SRGAP1: variants seen among roughly 807,000 people sequenced by gnomAD.
The protein encoded by SRGAP1 is SLIT-ROBO Rho GTPase-activating protein 1.
SRGAP1 carries 43 observed loss-of-function variants against 121.9 expected under a neutral mutation model. The observed-to-expected ratio is 0.35, with a 90% confidence interval of 0.28 to 0.46. The LOEUF is 0.46. SRGAP1 is among the 20% of genes least tolerant of loss of function. The pLI is 1.00. For missense variants in SRGAP1, 1,102 were observed against 1,350.9 expected, an observed-to-expected ratio of 0.82 and a Z score of 2.89; for synonymous variants, 447 against 485.4, an observed-to-expected ratio of 0.92 and a Z score of 1.04.
chr12:63,891,452 T>G (rs1329669640), intron 1 of SRGAP1, among the ~76,000 whole-genome samples: 2 of 152,222 alleles, frequency 1.3e-5, no homozygotes, highest in Non-Finnish European at 2.9e-5. Flanking sequence ...CACTCTCTCC[T>G]CTGAACCACT....
intron 3 of SRGAP1, among the ~76,000 whole-genome samples, chr12:64,007,685 G>T (rs924822583): frequency 6.6e-6 from 1 of 152,144 alleles, no homozygotes; most frequent in Non-Finnish European, 1.5e-5. Context: ...ACTCTATAAG[G>T]CTACAGGAGT....
intron 1 of SRGAP1, among the ~76,000 whole-genome samples, chr12:63,972,059 G>A (rs534015530): frequency 2.4e-4 from 36 of 152,140 alleles, no homozygotes; most frequent in Non-Finnish European, 4.7e-4. Flanking sequence ...TCCAATCAAA[G>A]TCTCTAATAG....
intron 1 of SRGAP1, among the ~76,000 whole-genome samples, chr12:63,940,827 A>G (rs865780560): frequency 9.2e-5 from 14 of 152,350 alleles, no homozygotes; most frequent in South Asian, 2.1e-4. Context: ...CACCTGCCTC[A>G]GGCAGCATGT....
intron 21 of SRGAP1, among the ~76,000 whole-genome samples, chr12:64,140,655 C>A (rs1416841478): frequency 7.0e-6 from 1 of 143,536 alleles, no homozygotes; most frequent in African/African-American, 2.6e-5. Context: ...GAAATAGGAA[C>A]ACTTTTACAC....
At chr12:63,898,758 C>T (rs1565941685) in intron 1 of SRGAP1, among the ~76,000 whole-genome samples, 1 of 152,120 alleles carries the variant, frequency 6.6e-6, no homozygotes, top group Non-Finnish European at 1.5e-5. Flanking sequence ...TCACATTTCC[C>T]ACTGTTAGAT....
rs2037058716 is a variant in SRGAP1, at chr12:64,146,749, C to T, written c.*4077C>T. 6.6e-6 allele frequency: 1 copy of T among 152,184 alleles called. No individual in the cohort carries two copies. Among genetic ancestry groups the T allele is most frequent in the African/African-American group, 2.4e-5 (1 of 41,496 alleles). 9.4% of individuals were successfully genotyped at this position (152,184 alleles called of 1,614,324 possible). Reference sequence around the variant, plus strand: ...CTCCCTACTCCAGACCACCTGCCACCCACCTCCCAAGTTGAGAACACAAGC... The same window carrying T: ...CTCCCTACTCCAGACCACCTGCCACTCACCTCCCAAGTTGAGAACACAAGC... On this transcript the variant is annotated 3_prime_UTR_variant, in exon 22 of 22. Coordinates refer to ENST00000355086, the MANE Select transcript of SRGAP1 (RefSeq NM_020762.4).
In SRGAP1 at chr12:63,844,856, A is replaced by G. The variant is rs1269419421; in HGVS notation, c.40A>G (p.Ile14Val). The change falls in exon 1 of 22, where the codon ATA (isoleucine) becomes GTA (valine). Residue 14 changes from isoleucine to valine, a missense_variant. This residue lies in a region of SRGAP1 where 747 missense variants were observed against 929.4 expected (regional missense o/e 0.80). Transcript: ENST00000355086. This position sits in a 1 kb window ranked among gnomAD's most constrained non-coding sequence, Gnocchi z 4.3. ...CCGATTCAAGAAGGACAAAGAGATC[A>G]TAGCCGAGTATGAAAGTCAAGTCAA... ...PSRFKKDKEIIAEYESQVKEI... is the reference protein window; with the variant it reads ...PSRFKKDKEIVAEYESQVKEI... 5 of 1,614,098 alleles carry G rather than the reference A, an allele frequency of 3.1e-6. No individual in the cohort carries two copies. Among genetic ancestry groups the G allele is most frequent in the Non-Finnish European group, 4.2e-6 (5 of 1,180,044 alleles).
chr12:63,975,515 A>G (rs1054328342), intron 1 of SRGAP1, among the ~76,000 whole-genome samples: 6 of 152,224 alleles, frequency 3.9e-5, no homozygotes, highest in Non-Finnish European at 2.9e-5. Flanking sequence ...AAATATTTTT[A>G]TATAATACAA....
chr12:63,997,118 G>C (rs2033734696), intron 3 of SRGAP1, among the ~76,000 whole-genome samples: 1 of 152,042 alleles, frequency 6.6e-6, no homozygotes, highest in Admixed American at 6.6e-5. Context: ...GAAGGCAACT[G>C]TAACACAATG....
chr12:63,970,978 C>T (rs2032930234), intron 1 of SRGAP1, among the ~76,000 whole-genome samples: 3 of 152,100 alleles, frequency 2.0e-5, no homozygotes, highest in Non-Finnish European at 4.4e-5. Context: ...CTTTAAAATG[C>T]CCTAATAATT....
At chr12:63,895,892 CCTG>C (rs1263142298) in intron 1 of SRGAP1, among the ~76,000 whole-genome samples, 35 of 152,152 alleles carry the variant, frequency 2.3e-4, no homozygotes, top group Non-Finnish European at 2.9e-5. Context: ...CATTCTGCAC[CCTG>C]CAATCAGCTG....
At chr12:63,946,495 C>T (rs1434661172) in intron 1 of SRGAP1, among the ~76,000 whole-genome samples, 6 of 151,774 alleles carry the variant, frequency 4.0e-5, no homozygotes, top group East Asian at 1.9e-4. Context: ...CAGGCAACCA[C>T]TGACCTGCTT....
At chr12:63,886,653 G>A (rs1247897991) in intron 1 of SRGAP1, among the ~76,000 whole-genome samples, 1 of 151,570 alleles carries the variant, frequency 6.6e-6, no homozygotes, top group African/African-American at 2.4e-5. Flanking sequence ...TTTATTTTTT[G>A]TAGATATGGG....
At chr12:63,921,000 T>C (rs1470137812) in intron 1 of SRGAP1, among the ~76,000 whole-genome samples, 1 of 152,200 alleles carries the variant, frequency 6.6e-6, no homozygotes, top group Non-Finnish European at 1.5e-5. Flanking sequence ...TGTACAAAAC[T>C]GAACAAATGC....
intron 4 of SRGAP1, among the ~76,000 whole-genome samples, chr12:64,037,784 A>C (rs761712857): frequency 1.3e-5 from 2 of 152,176 alleles, no homozygotes; most frequent in Non-Finnish European, 2.9e-5. Flanking sequence ...TCAAAGGCCC[A>C]TTTTTTAGTC....
intron 2 of SRGAP1, among the ~76,000 whole-genome samples, chr12:63,987,332 T>C (rs79985759): frequency 0.027 from 4,151 of 152,316 alleles, 188 homozygotes; most frequent in African/African-American, 0.093. Context: ...AGGCTTGGTT[T>C]AGCTTCCCTG....
intron 1 of SRGAP1, among the ~76,000 whole-genome samples, chr12:63,900,503 C>T (rs960721963): frequency 6.6e-6 from 1 of 151,860 alleles, no homozygotes; most frequent in African/African-American, 2.4e-5. Flanking sequence ...CTGTGCCCGG[C>T]CATGCTTTTT....
chr12:64,064,614 A>G (rs570721972), intron 7 of SRGAP1, among the ~76,000 whole-genome samples: 2 of 152,176 alleles, frequency 1.3e-5, no homozygotes, highest in Non-Finnish European at 2.9e-5. Flanking sequence ...AAGAACTCTT[A>G]TCCTCATTCT....
At chr12:63,969,655 G>A (rs539295188) in intron 1 of SRGAP1, among the ~76,000 whole-genome samples, 78 of 152,152 alleles carry the variant, frequency 5.1e-4, no homozygotes, top group Non-Finnish European at 5.0e-4. Flanking sequence ...TTAGCCGGGC[G>A]TGGTGGTGGG....
Sources: allele counts gnomAD v4.1 joint callset (sites outside exome capture counted in the v4.1 genomes callset), GRCh38; gene constraint gnomAD v4.1.1; regional missense constraint gnomAD v4.1.1; non-coding constraint Gnocchi (gnomAD v3.1); transcripts MANE v1.5; gene names NCBI Gene and HGNC (gene_info 2026-07-23, HGNC 2026-07-21).